Variants in RBFOX1 observed in about 807,000 individuals in gnomAD.
RBFOX1 encodes RNA binding fox-1 homolog 1.
RBFOX1 carries 8 observed loss-of-function variants against 57.7 expected under a neutral mutation model. The observed-to-expected ratio is 0.14, with a 90% confidence interval of 0.08 to 0.25. The LOEUF (loss-of-function observed/expected upper bound fraction) is 0.25, where lower values mean the gene tolerates loss of function less well. Ranked by LOEUF, RBFOX1 falls within the 10% of genes least tolerant of loss-of-function variation. RBFOX1 has a pLI of 1.00. For synonymous variants in RBFOX1, 326 were observed against 222.4 expected, an observed-to-expected ratio of 1.47 and a Z score of -4.15; for missense variants, 611 against 548.5, an observed-to-expected ratio of 1.11 and a Z score of -1.14.
Position 5,598,236 on chromosome 16 carries a change from A to T in RBFOX1, c.259-666A>T, listed in dbSNP as rs539738657. Among the ~76,000 whole-genome samples the T allele has an allele frequency of 6.5e-3, 985 of 151,348 alleles. 7 individuals are homozygous for T. The highest frequency in any genetic ancestry group is 0.014 in the Middle Eastern group (4 of 294). On this transcript the variant is annotated intron_variant, in intron 2 of 2. Coordinates refer to the RBFOX1 transcript ENST00000585867. ...GAGACTCTGTCTCAAAAAAAAAAAA[A>T]TAAATAAAAAAAGTAGTGCATAGCA...
rs900429226 is a variant in RBFOX1, at chr16:7,156,829, T to A, written c.27+104731T>A. Among the ~76,000 whole-genome samples the A allele has an allele frequency of 4.6e-5, 7 of 152,292 alleles. No individual in the cohort carries two copies. The East Asian group carries it at 1.4e-3, about 29-fold the overall frequency. Reference sequence around the variant, plus strand: ...TACTTGTACATGCACAATTATAGGATAATTTCTTATTTAATGGCTAGATCG... The same window carrying A: ...TACTTGTACATGCACAATTATAGGAAAATTTCTTATTTAATGGCTAGATCG... On this transcript the variant is annotated intron_variant, in intron 4 of 15. Coordinates refer to ENST00000550418, the MANE Select transcript of RBFOX1 (RefSeq NM_018723.4).
intron 5 of RBFOX1, among the ~76,000 whole-genome samples, chr16:7,522,298 A>T (rs2077681406): frequency 6.6e-6 from 1 of 152,154 alleles, no homozygotes; most frequent in African/African-American, 2.4e-5. Flanking sequence ...AGGACAGAAC[A>T]TTGGAGAGCT....
chr16:7,105,677 T>C (rs1301229231), intron 4 of RBFOX1, among the ~76,000 whole-genome samples: 2 of 152,094 alleles, frequency 1.3e-5, no homozygotes, highest in South Asian at 2.1e-4. Flanking sequence ...TTCCATCATA[T>C]CTATCTGTCT....
intron 3 of RBFOX1, among the ~76,000 whole-genome samples, chr16:6,932,223 C>A (rs538187744): frequency 2.6e-5 from 4 of 152,174 alleles, no homozygotes; most frequent in African/African-American, 7.2e-5. Flanking sequence ...CCTGCCTCGG[C>A]CTCCCAAGTA....
chr16:7,625,597 C>G (rs1055793362), intron 10 of RBFOX1, among the ~76,000 whole-genome samples: 5 of 152,136 alleles, frequency 3.3e-5, no homozygotes, highest in African/African-American at 1.2e-4. Context: ...CCATTTTAAT[C>G]TTCGAGCTCT....
chr16:5,253,531 G>T (rs999588529), intron 1 of RBFOX1, among the ~76,000 whole-genome samples: 37 of 152,304 alleles, frequency 2.4e-4, no homozygotes, highest in African/African-American at 7.7e-4. Flanking sequence ...GCCTGAGGGT[G>T]TATATGTGTC....
intron 1 of RBFOX1, among the ~76,000 whole-genome samples, chr16:6,189,914 A>G (rs1352672337): frequency 6.6e-6 from 1 of 152,094 alleles, no homozygotes; most frequent in South Asian, 2.1e-4. Context: ...CTTGAGGGGT[A>G]TTGCTAAAGA....
intron 1 of RBFOX1, among the ~76,000 whole-genome samples, chr16:5,336,024 C>T (rs1413082655): frequency 6.6e-6 from 1 of 152,092 alleles, no homozygotes; most frequent in Non-Finnish European, 1.5e-5. Context: ...AATGGAGGCT[C>T]AGAGAGGTTA....
intron 4 of RBFOX1, among the ~76,000 whole-genome samples, chr16:7,062,260 G>A (rs2054552786): frequency 7.1e-6 from 1 of 140,062 alleles, no homozygotes; most frequent in Non-Finnish European, 1.5e-5. Flanking sequence ...TGAGGTTGCA[G>A]TGAGCCGAGA....
chr16:6,951,741 C>G (rs186063566), intron 3 of RBFOX1, among the ~76,000 whole-genome samples: 3 of 152,188 alleles, frequency 2.0e-5, no homozygotes, highest in South Asian at 2.1e-4. Flanking sequence ...TCTTTTTTCT[C>G]TCTCTCTTTT....
chr16:7,447,392 C>G (rs374707759), intron 4 of RBFOX1, among the ~76,000 whole-genome samples: 23 of 145,890 alleles, frequency 1.6e-4, no homozygotes, highest in African/African-American at 5.9e-4. Flanking sequence ...GAGATCATGC[C>G]ACTGCACTCC....
intron 4 of RBFOX1, among the ~76,000 whole-genome samples, chr16:7,077,087 C>T (rs189957823): frequency 4.6e-5 from 7 of 152,296 alleles, no homozygotes; most frequent in Non-Finnish European, 7.3e-5. Flanking sequence ...ACAGACTTCT[C>T]CTGATGCACT....
At chr16:6,985,185 A>G (rs1214843119) in intron 3 of RBFOX1, among the ~76,000 whole-genome samples, 1 of 136,888 alleles carries the variant, frequency 7.3e-6, no homozygotes, top group East Asian at 2.4e-4. Context: ...TTAAAATGTG[A>G]TCACATTCTA....
At chr16:6,960,316 T>C (rs943516135) in intron 3 of RBFOX1, among the ~76,000 whole-genome samples, 4 of 152,198 alleles carry the variant, frequency 2.6e-5, no homozygotes, top group African/African-American at 4.8e-5. Flanking sequence ...CTTACGTCTT[T>C]AGACGAATGC....
At chr16:6,641,838 C>A (rs1235233952) in intron 2 of RBFOX1, among the ~76,000 whole-genome samples, 2 of 151,316 alleles carry the variant, frequency 1.3e-5, no homozygotes, top group Non-Finnish European at 1.5e-5. Context: ...GCTCCCTCCT[C>A]GCTAACGTGT....
At chr16:7,701,981 G>A (rs962948431) in intron 14 of RBFOX1, among the ~76,000 whole-genome samples, 1 of 152,178 alleles carries the variant, frequency 6.6e-6, no homozygotes. Context: ...TTTCTGTAGG[G>A]CAGAGGTGGG....
intron 3 of RBFOX1, among the ~76,000 whole-genome samples, chr16:6,990,090 C>A (rs138047658): frequency 3.4e-4 from 52 of 152,306 alleles, no homozygotes; most frequent in African/African-American, 1.1e-3. Flanking sequence ...AGGTCAGATA[C>A]TGCTTGTTTT....
intron 3 of RBFOX1, among the ~76,000 whole-genome samples, chr16:6,730,455 TCTAA>T (rs2068275520): frequency 2.1e-4 from 1 of 4,694 alleles, no homozygotes; most frequent in African/African-American, 2.2e-4. Context: ...TATCAAATTA[TCTAA>T]TCTATCCATC....
At chr16:7,688,221 ATGTGTGTGTGTGTGTG>A (rs3029191) in intron 14 of RBFOX1, among the ~76,000 whole-genome samples, 57 of 121,002 alleles carry the variant, frequency 4.7e-4, no homozygotes, top group Middle Eastern at 8.3e-3. Context: ...GCAGGTTTAA[ATGTGTGTGTGTGTGTG>A]TGTGTGTGTG....
Sources: allele counts gnomAD v4.1 joint callset (sites outside exome capture counted in the v4.1 genomes callset), GRCh38; gene constraint gnomAD v4.1.1; transcripts MANE v1.5; gene names NCBI Gene and HGNC (gene_info 2026-07-23, HGNC 2026-07-21).